SGCZ: variants seen among roughly 807,000 people sequenced by gnomAD.
SGCZ encodes the protein sarcoglycan zeta, also known as zeta-sarcoglycan.
Under a neutral mutation model 41.3 loss-of-function variants are expected in SGCZ, and 40 were observed. The ratio of observed to expected loss-of-function variants is 0.97; its 90% CI spans 0.75 to 1.26. The LOEUF is 1.26. SGCZ is among the 50% of genes most tolerant of loss of function. SGCZ has a pLI of 0.00. For synonymous variants in SGCZ, 206 were observed against 137.5 expected (o/e 1.50, Z -3.49); for missense variants, 552 against 369.8 (o/e 1.49, Z -4.04).
intron 4 of SGCZ, among the ~76,000 whole-genome samples, chr8:14,176,587 T>C (rs28522059): frequency 0.014 from 2,105 of 152,234 alleles, 44 homozygotes; most frequent in African/African-American, 0.046. Flanking sequence ...AGTTAGAAAC[T>C]AATAAATATA....
intron 1 of SGCZ, among the ~76,000 whole-genome samples, chr8:15,095,122 G>T (rs1485597413): frequency 6.6e-6 from 1 of 151,974 alleles, no homozygotes; most frequent in Non-Finnish European, 1.5e-5. Context: ...TTGTGAGATG[G>T]AGATTCACTC....
chr8:14,546,555 G>T (rs1305848615), intron 2 of SGCZ, among the ~76,000 whole-genome samples: 1 of 152,070 alleles, frequency 6.6e-6, no homozygotes, highest in Non-Finnish European at 1.5e-5. Flanking sequence ...ACTCATAAAT[G>T]TAGTCATACT....
intron 3 of SGCZ, among the ~76,000 whole-genome samples, chr8:14,239,580 C>A (rs2042760): frequency 8.5e-5 from 13 of 152,078 alleles, no homozygotes; most frequent in Non-Finnish European, 1.9e-4. Context: ...GAGTAAAACA[C>A]CATAAGCATT....
intron 1 of SGCZ, among the ~76,000 whole-genome samples, chr8:15,017,358 C>T (rs529511312): frequency 6.6e-6 from 1 of 152,314 alleles, no homozygotes; most frequent in East Asian, 1.9e-4. Context: ...ATTCACTGCA[C>T]ACGTACAGTG....
At chr8:14,249,616 C>T (rs980743438) in intron 3 of SGCZ, among the ~76,000 whole-genome samples, 1 of 152,220 alleles carries the variant, frequency 6.6e-6, no homozygotes, top group African/African-American at 2.4e-5. Flanking sequence ...TATACCTTAG[C>T]TATATCTGAG....
chr8:14,971,696 C>T (rs1801303336), intron 1 of SGCZ, among the ~76,000 whole-genome samples: 2 of 138,736 alleles, frequency 1.4e-5, no homozygotes, highest in Admixed American at 7.7e-5. Flanking sequence ...TGTCGCCAGG[C>T]TGGAGCACAG....
intron 7 of SGCZ, among the ~76,000 whole-genome samples, chr8:14,092,362 A>G (rs922281093): frequency 1.3e-5 from 2 of 152,056 alleles, no homozygotes; most frequent in Admixed American, 1.3e-4. Flanking sequence ...AAGAATGTCA[A>G]TAGTAGCTTG....
chr8:14,496,930 A>T (rs1802004872), intron 2 of SGCZ, among the ~76,000 whole-genome samples: 1 of 151,862 alleles, frequency 6.6e-6, no homozygotes, highest in Non-Finnish European at 1.5e-5. Context: ...ACATTCCCAC[A>T]TTGTTGTAGG....
At chr8:14,588,789 A>T (rs981194779) in intron 1 of SGCZ, among the ~76,000 whole-genome samples, 7 of 152,136 alleles carry the variant, frequency 4.6e-5, no homozygotes, top group African/African-American at 1.7e-4. Context: ...TTTTTTAATA[A>T]CATGAAAATG....
chr8:14,892,027 G>A (rs181446870), intron 1 of SGCZ, among the ~76,000 whole-genome samples: 4 of 152,196 alleles, frequency 2.6e-5, no homozygotes, highest in African/African-American at 4.8e-5. Context: ...ACAAATTCGG[G>A]TGACTTGCTT....
intron 1 of SGCZ, among the ~76,000 whole-genome samples, chr8:15,014,223 G>A (rs945480054): frequency 5.3e-5 from 8 of 152,118 alleles, no homozygotes; most frequent in African/African-American, 9.7e-5. Context: ...CTGGAATGAC[G>A]CTGTCAAAAA....
chr8:15,164,941 C>A (rs1448976162), intron 1 of SGCZ, among the ~76,000 whole-genome samples: 10 of 152,118 alleles, frequency 6.6e-5, no homozygotes, highest in African/African-American at 2.4e-4. Flanking sequence ...TAAAGGGCCC[C>A]ACCCAGCAAC....
chr8:14,308,762 A>G (rs1241924516), intron 3 of SGCZ, among the ~76,000 whole-genome samples: 1 of 152,076 alleles, frequency 6.6e-6, no homozygotes, highest in African/African-American at 2.4e-5. Flanking sequence ...GCCATTAATA[A>G]AATTTGTAAC....
At chr8:14,512,066 C>G (rs1802482826) in intron 2 of SGCZ, among the ~76,000 whole-genome samples, 1 of 152,078 alleles carries the variant, frequency 6.6e-6, no homozygotes, top group Non-Finnish European at 1.5e-5. Flanking sequence ...ATATCCATCA[C>G]CACAGTAATA....
intron 1 of SGCZ, among the ~76,000 whole-genome samples, chr8:14,904,517 C>T (rs73201290): frequency 0.045 from 6,890 of 151,982 alleles, 249 homozygotes; most frequent in South Asian, 0.077. Context: ...AAGCATTTTA[C>T]CTTGAATAAT....
intron 1 of SGCZ, among the ~76,000 whole-genome samples, chr8:15,142,582 C>T (rs79932342): frequency 0.046 from 7,001 of 151,930 alleles, 515 homozygotes; most frequent in African/African-American, 0.16. Flanking sequence ...TAAATCACCC[C>T]CCAATTACCA....
At chr8:15,039,311 G>A (rs1585500800) in intron 1 of SGCZ, among the ~76,000 whole-genome samples, 2 of 152,104 alleles carry the variant, frequency 1.3e-5, no homozygotes, top group Non-Finnish European at 2.9e-5. Context: ...AGGAAATCTT[G>A]TCTTTTCCAA....
At chr8:14,817,157 C>A (rs536132112) in intron 1 of SGCZ, among the ~76,000 whole-genome samples, 2 of 152,158 alleles carry the variant, frequency 1.3e-5, no homozygotes, top group Non-Finnish European at 2.9e-5. Context: ...CATCCTTTTC[C>A]TTAAGGGAGA....
intron 1 of SGCZ, among the ~76,000 whole-genome samples, chr8:15,106,905 C>CT (rs1229349681): frequency 6.6e-6 from 1 of 151,842 alleles, no homozygotes; most frequent in African/African-American, 2.4e-5. Context: ...TTATAGTCAC[C>CT]TTTTAAAAAA....
Sources: gnomAD v4.1 joint callset for allele counts (sites outside exome capture counted in the v4.1 genomes callset) on GRCh38, gnomAD v4.1.1 for gene constraint, MANE v1.5 for transcripts, NCBI Gene and HGNC (gene_info 2026-07-23, HGNC 2026-07-21) for gene names.